Variants in CCDC175 observed in about 807,000 individuals in gnomAD.
CCDC175 encodes the protein coiled-coil domain-containing protein 175.
A neutral mutation model predicts 114.6 loss-of-function variants in CCDC175; 100 were observed. The ratio of observed to expected loss-of-function variants is 0.87; its 90% CI spans 0.74 to 1.03. The LOEUF is 1.03. Ranked by LOEUF, CCDC175 falls within the 50% of genes least tolerant of loss-of-function variation. CCDC175 has a pLI of 0.00. For synonymous variants in CCDC175, 306 were observed against 308.7 expected (o/e 0.99, Z 0.09); for missense variants, 880 against 917.8 (o/e 0.96, Z 0.53).
intron 5 of CCDC175, chr14:59,564,421 C>T (rs1896400481): frequency 6.5e-6 from 1 of 153,294 alleles, no homozygotes; most frequent in Admixed American, 6.5e-5. Context: ...TCAAAACCAC[C>T]TCTCCCCCAG....
chr14:59,517,919 T>G (rs1402654052), intron 17 of CCDC175, among the ~76,000 whole-genome samples: 3 of 152,132 alleles, frequency 2.0e-5, no homozygotes, highest in Non-Finnish European at 4.4e-5. Flanking sequence ...GACTTCAAAC[T>G]ATACTACAAG....
chr14:59,560,589 A>G (rs996798171), intron 7 of CCDC175, among the ~76,000 whole-genome samples: 3 of 152,204 alleles, frequency 2.0e-5, no homozygotes, highest in Non-Finnish European at 4.4e-5. Context: ...GTGTGCAGAT[A>G]AAGAGAGGAG....
intron 3 of CCDC175, among the ~76,000 whole-genome samples, chr14:59,569,633 T>C (rs1436233567): frequency 6.6e-6 from 1 of 152,204 alleles, no homozygotes; most frequent in Non-Finnish European, 1.5e-5. Flanking sequence ...CTACCTTTGG[T>C]GTAGATTCTT....
At chr14:59,510,928 A>T (rs1892702421) in intron 18 of CCDC175, 120 bp from the exon 19 acceptor site, 1 of 866,370 alleles carries the variant, frequency 1.2e-6, no homozygotes, top group South Asian at 1.8e-5. Context: ...TATCAGTCAT[A>T]AAAATAAGTG....
rs1345948257 is a variant in CCDC175, at chr14:59,545,184, T to C, written c.1151A>G (p.Gln384Arg). Residue 384 changes from glutamine (Q) to arginine (R), a missense_variant, in exon 9 of 20, where the codon CAA becomes CGA. By Grantham distance (43) the Gln-to-Arg change is conservative (BLOSUM62 1). Transcript: ENST00000537690. ...ATACTCATCATGAATCTTTTGTTTT[T>C]GCAAAAAAGCTTTTTCTTCCTCACT... ...VLSEEEKAFL[Q>R]KQKIHDENQK... The C allele has an allele frequency of 2.6e-6, 4 of 1,536,834 alleles. No homozygotes were observed. Among genetic ancestry groups the C allele is most frequent in the Non-Finnish European group, 3.5e-6 (4 of 1,146,768 alleles).
intron 7 of CCDC175, among the ~76,000 whole-genome samples, chr14:59,559,402 C>T (rs1004497521): frequency 1.3e-5 from 2 of 152,080 alleles, no homozygotes; most frequent in South Asian, 4.1e-4. Context: ...TTTGTCCAAA[C>T]GCACATGGAA....
intron 6 of CCDC175, among the ~76,000 whole-genome samples, chr14:59,563,393 C>A (rs1485541192): frequency 6.6e-6 from 1 of 152,056 alleles, no homozygotes; most frequent in Non-Finnish European, 1.5e-5. Flanking sequence ...GGACTCAGCC[C>A]ATGGTTATTC....
intron 17 of CCDC175, among the ~76,000 whole-genome samples, chr14:59,513,336 G>A (rs930361574): frequency 6.6e-6 from 1 of 152,138 alleles, no homozygotes. Context: ...AGTGGGTGCA[G>A]TGCACCGAGT....
In CCDC175 at chr14:59,565,266, C is replaced by G. The variant is rs1896464279; in HGVS notation, c.501G>C (p.Gln167His). The change falls in exon 5 of 20, where the codon CAG (glutamine) becomes CAC (histidine). Residue 167 changes from glutamine (Q) to histidine (H), a missense_variant. By Grantham distance (24) the Gln-to-His change is conservative (BLOSUM62 0). Coordinates refer to ENST00000537690, the MANE Select transcript of CCDC175 (RefSeq NM_001164399.2). The stretch of plus-strand genomic sequence containing the variant: ...TTGCATGCTTCCTTGCTAGCTCTTC[C>G]TGCTTCTCCCTGGGAGGAAAGAATT... The part of the protein sequence containing the change: ...TKYNEALGEK[Q>H]EELARKHARF... 4.6e-6 allele frequency: 7 copies of G among 1,536,412 alleles called. No homozygotes were observed. The East Asian group carries it at 1.7e-4, about 38-fold the overall frequency.
intron 7 of CCDC175, among the ~76,000 whole-genome samples, chr14:59,552,546 TAA>T (rs1430764129): frequency 2.6e-5 from 4 of 152,150 alleles, no homozygotes; most frequent in Non-Finnish European, 2.9e-5. Flanking sequence ...CTGAAAATTC[TAA>T]AAATCAGAGC....
chr14:59,545,381 G>A (rs1160082771), intron 8 of CCDC175, 82 bp from the exon 9 acceptor site: 11 of 1,252,386 alleles, frequency 8.8e-6, no homozygotes, highest in South Asian at 1.5e-5. Flanking sequence ...GCAACTCGGA[G>A]AGCACCTGGG....
intron 7 of CCDC175, among the ~76,000 whole-genome samples, chr14:59,557,179 C>A (rs527731326): frequency 1.1e-4 from 16 of 152,006 alleles, no homozygotes; most frequent in South Asian, 2.1e-4. Flanking sequence ...ATGTTTATTG[C>A]GGCACTATTC....
intron 13 of CCDC175, among the ~76,000 whole-genome samples, 187 bp downstream of exon 13, chr14:59,537,836 G>GA (rs1455428341): frequency 1.3e-5 from 2 of 151,820 alleles, no homozygotes; most frequent in African/African-American, 2.4e-5. Flanking sequence ...TATTTTTTCT[G>GA]AAAAAATATT....
chr14:59,531,399 A>G (rs146701423), intron 14 of CCDC175, among the ~76,000 whole-genome samples: 6,248 of 152,268 alleles, frequency 0.041, 162 homozygotes, highest in Non-Finnish European at 0.06. Context: ...GGTTAAAATC[A>G]TAGCAGGAAA....
At chr14:59,516,047 C>T (rs556422565) in intron 17 of CCDC175, among the ~76,000 whole-genome samples, 1 of 152,282 alleles carries the variant, frequency 6.6e-6, no homozygotes, top group East Asian at 1.9e-4. Flanking sequence ...GGAAACTGAA[C>T]AACCTGCTCC....
intron 6 of CCDC175, among the ~76,000 whole-genome samples, chr14:59,563,459 T>C (rs1896341108): frequency 6.6e-6 from 1 of 152,174 alleles, no homozygotes; most frequent in Non-Finnish European, 1.5e-5. Flanking sequence ...ATCAATACAT[T>C]TGGTTAGTTC....
rs1351652661 is a variant in CCDC175, at chr14:59,511,786, AC to A, written c.2115del (p.Leu705PhefsTer23). On this transcript the variant is annotated frameshift_variant, in exon 18 of 20. Transcript: ENST00000537690. LOFTEE classifies it high-confidence loss of function. The part of the protein sequence containing the change: ...LIAQEAQYKD[L>X]WAEFQTTVKI... Reference sequence around the variant, plus strand: ...TTAACTGTGGTCTGAAATTCAGCCCACAAATCCTTATATTGTGCTAAAATAA... The same window carrying A: ...TTAACTGTGGTCTGAAATTCAGCCCAAAATCCTTATATTGTGCTAAAATAA... The A allele has an allele frequency of 2.0e-6, 3 of 1,535,696 alleles. No individual in the cohort carries two copies. In the African/African-American group the frequency reaches 4.1e-5, roughly 21 times the overall value.
chr14:59,515,931 A>C (rs1018997732), intron 17 of CCDC175, among the ~76,000 whole-genome samples: 1 of 152,230 alleles, frequency 6.6e-6, no homozygotes, highest in African/African-American at 2.4e-5. Flanking sequence ...AGCACTCCTC[A>C]GCAAATGTAA....
intron 17 of CCDC175, among the ~76,000 whole-genome samples, chr14:59,512,005 T>G (rs753277193): frequency 6.6e-6 from 1 of 152,146 alleles, no homozygotes; most frequent in Admixed American, 6.5e-5. Flanking sequence ...AAAGAAATGT[T>G]TTCAGATGTT....
Sources: allele counts gnomAD v4.1 joint callset (sites outside exome capture counted in the v4.1 genomes callset), GRCh38; gene constraint gnomAD v4.1.1; transcripts MANE v1.5; gene names NCBI Gene and HGNC (gene_info 2026-07-23, HGNC 2026-07-21).